Variants in PTPRJ observed in about 807,000 individuals in gnomAD.
The protein encoded by PTPRJ is receptor-type tyrosine-protein phosphatase eta.
In PTPRJ, 129 loss-of-function variants were observed where a neutral mutation model predicts 141.3. That is an observed-to-expected ratio of 0.91 (90% CI 0.79 to 1.06). The LOEUF (loss-of-function observed/expected upper bound fraction) is 1.06, where lower values mean the gene tolerates loss of function less well. Ranked by LOEUF, PTPRJ falls within the 50% of genes least tolerant of loss-of-function variation. The probability of loss-of-function intolerance (pLI) is 0.00; values close to 1 mark genes in which losing one functional copy is unlikely to be tolerated. For synonymous variants in PTPRJ, 610 were observed against 640.5 expected (o/e 0.95, Z 0.72); for missense variants, 1,601 against 1,679.7 (o/e 0.95, Z 0.82).
chr11:48,159,118 G>A (rs146438574), intron 21 of PTPRJ, among the ~76,000 whole-genome samples: 1 of 1,874 alleles, frequency 5.3e-4, no homozygotes, highest in Non-Finnish European at 1.3e-3. Flanking sequence ...GTGTGTGTAT[G>A]TGGGGTGTGT....
rs1166963973 is a variant in PTPRJ, at chr11:48,049,693, G to C, written c.97-60365G>C. On this transcript the variant is annotated intron_variant, in intron 1 of 24. Transcript: ENST00000418331. ...CGCGCCATTGCACTCCAGCCTGGGC[G>C]ACAATAGTGAAACTCTGTCTCAAAA... Among the ~76,000 whole-genome samples, 7 of 140,542 alleles carry C rather than the reference G, an allele frequency of 5.0e-5. No homozygotes were observed. In the East Asian group the frequency reaches 1.4e-3, roughly 29 times the overall value. The allele number at this position is 140,542 out of a possible 152,430, so 92.2% of individuals were successfully genotyped here.
intron 1 of PTPRJ, 95 bp from the exon 2 acceptor site, chr11:48,109,963 A>G: frequency 1.4e-6 from 2 of 1,390,582 alleles, no homozygotes; most frequent in Non-Finnish European, 2.0e-6. Flanking sequence ...TTACCACCCC[A>G]CCCCCATTAT....
At chr11:48,074,545 GTGTGTA>G (rs1359680224) in intron 1 of PTPRJ, among the ~76,000 whole-genome samples, 2 of 152,204 alleles carry the variant, frequency 1.3e-5, no homozygotes, top group African/African-American at 4.8e-5. Context: ...CTTGGGCAAG[GTGTGTA>G]ATCTTTCTGA....
chr11:48,156,117 A>T lies in PTPRJ; in HGVS notation c.3436A>T (p.Arg1146Ter). The change falls in exon 21 of 25, where the codon AGA becomes TGA. Residue 1146 changes from arginine (R) to a stop codon, truncating the protein, a stop_gained and splice_region_variant. Coordinates refer to ENST00000418331, the MANE Select transcript of PTPRJ (RefSeq NM_002843.4). LOFTEE classifies it high-confidence loss of function. Reference sequence around the variant, plus strand: ...GTTGACTAAATGTGTTGAACAGGGAAGAGTAAGTATCTTTTTTAGTTTTTA... The same window carrying T: ...GTTGACTAAATGTGTTGAACAGGGATGAGTAAGTATCTTTTTTAGTTTTTA... ...IMLTKCVEQG[R>*]TKCEEYWPSK... 1 of 1,581,016 alleles carries T rather than the reference A, an allele frequency of 6.3e-7. No homozygotes were observed. The highest frequency in any genetic ancestry group is 8.7e-7 in the Non-Finnish European group (1 of 1,154,704).
At chr11:48,126,366 T>C (rs894766195) in intron 6 of PTPRJ, among the ~76,000 whole-genome samples, 1 of 152,110 alleles carries the variant, frequency 6.6e-6, no homozygotes, top group African/African-American at 2.4e-5. Flanking sequence ...ATAATCATTA[T>C]AGTAGCCTTT....
intron 1 of PTPRJ, among the ~76,000 whole-genome samples, chr11:48,023,489 G>A (rs182809385): frequency 3.3e-5 from 5 of 152,140 alleles, no homozygotes; most frequent in Admixed American, 3.3e-4. Context: ...TCTTATTAAA[G>A]TGGGAATTTA....
At chr11:48,111,524 G>A (rs1214034914) in intron 2 of PTPRJ, among the ~76,000 whole-genome samples, 1 of 152,082 alleles carries the variant, frequency 6.6e-6, no homozygotes, top group Non-Finnish European at 1.5e-5. Flanking sequence ...ATTAATAATG[G>A]TAATTAGAGC....
intron 1 of PTPRJ, among the ~76,000 whole-genome samples, chr11:48,078,622 G>A (rs1018968983): frequency 6.6e-6 from 1 of 152,150 alleles, no homozygotes; most frequent in African/African-American, 2.4e-5. Context: ...GTCTAGGAGG[G>A]AGGTGGCAGG....
At chr11:48,056,020 G>A (rs1194200862) in intron 1 of PTPRJ, among the ~76,000 whole-genome samples, 3 of 152,208 alleles carry the variant, frequency 2.0e-5, no homozygotes, top group African/African-American at 7.2e-5. Flanking sequence ...GTGTGTTCTG[G>A]GGAGGAAGTG....
chr11:48,020,009 G>T (rs1855068764), intron 1 of PTPRJ, among the ~76,000 whole-genome samples: 1 of 152,156 alleles, frequency 6.6e-6, no homozygotes, highest in South Asian at 2.1e-4. Context: ...TCGTCCTGTG[G>T]CCTTCAAAAT....
chr11:48,135,960 C>T (rs1857091380), intron 8 of PTPRJ, 79 bp from the exon 9 acceptor site: 1 of 1,511,112 alleles, frequency 6.6e-7, no homozygotes, highest in African/African-American at 1.4e-5. Context: ...AAGAGCAGGT[C>T]CTCTCGACAG....
At chr11:48,162,620 G>A (rs1320725643) in intron 22 of PTPRJ, among the ~76,000 whole-genome samples, 3 of 152,162 alleles carry the variant, frequency 2.0e-5, no homozygotes, top group Non-Finnish European at 2.9e-5. Flanking sequence ...GAGTGTCAAA[G>A]GGCAGCTGTC....
intron 1 of PTPRJ, among the ~76,000 whole-genome samples, chr11:48,040,733 C>T (rs1218618734): frequency 6.6e-6 from 1 of 151,694 alleles, no homozygotes; most frequent in East Asian, 1.9e-4. Flanking sequence ...TCCTAAGTAG[C>T]TGGGATTACA....
intron 1 of PTPRJ, among the ~76,000 whole-genome samples, chr11:48,039,225 T>G (rs1854208506): frequency 6.6e-6 from 1 of 152,010 alleles, no homozygotes; most frequent in Admixed American, 6.6e-5. Context: ...TGCTAACTGC[T>G]TTATGCACAC....
intron 1 of PTPRJ, among the ~76,000 whole-genome samples, chr11:48,019,762 A>G (rs1457526403): frequency 6.6e-6 from 1 of 152,220 alleles, no homozygotes; most frequent in Non-Finnish European, 1.5e-5. Flanking sequence ...AGATTAAGGC[A>G]GTTCTTTAGA....
At chr11:48,038,011 A>T (rs1035399791) in intron 1 of PTPRJ, among the ~76,000 whole-genome samples, 1 of 148,392 alleles carries the variant, frequency 6.7e-6, no homozygotes, top group Admixed American at 6.6e-5. Flanking sequence ...CTCAGTTCAG[A>T]TCATCCTTCT....
At chr11:48,036,745 A>G (rs1047884561) in intron 1 of PTPRJ, among the ~76,000 whole-genome samples, 5 of 152,216 alleles carry the variant, frequency 3.3e-5, no homozygotes, top group Admixed American at 6.5e-5. Context: ...GTCTGCCTTC[A>G]AATCCAGCGC....
At chr11:48,120,550 C>T (rs900153596) in intron 3 of PTPRJ, among the ~76,000 whole-genome samples, 10 of 151,996 alleles carry the variant, frequency 6.6e-5, no homozygotes, top group African/African-American at 2.4e-4. Context: ...CTCAGCCTCC[C>T]GAGTAGCTAG....
rs116064335 is a variant in PTPRJ at position 48,006,116 on chromosome 11, C to T, written c.96+25108C>T. On this transcript the variant is annotated intron_variant, in intron 1 of 24. Coordinates refer to ENST00000418331, the MANE Select transcript of PTPRJ (RefSeq NM_002843.4). Reference sequence around the variant, plus strand: ...TGTTTCAGAGCAGCACCCACAGAACCGCTGTGATGGGAGAAACAAGACTTC... The same window carrying T: ...TGTTTCAGAGCAGCACCCACAGAACTGCTGTGATGGGAGAAACAAGACTTC... 7.8e-3 allele frequency among the ~76,000 whole-genome samples: 1,195 copies of T among 152,262 alleles called. 16 individuals carry two copies. Among genetic ancestry groups the T allele is most frequent in the African/African-American group, 0.027 (1,113 of 41,544 alleles).
Sources: gnomAD v4.1 joint callset for allele counts (sites outside exome capture counted in the v4.1 genomes callset) on GRCh38, gnomAD v4.1.1 for gene constraint, MANE v1.5 for transcripts, NCBI Gene and HGNC (gene_info 2026-07-23, HGNC 2026-07-21) for gene names.